LGR6: variants seen among roughly 807,000 people sequenced by gnomAD.
The protein encoded by LGR6 is leucine-rich repeat-containing G protein-coupled receptor 6.
Under a neutral mutation model 69.4 loss-of-function variants are expected in LGR6, and 45 were observed. The observed-to-expected ratio is 0.65, with a 90% CI of 0.51 to 0.83. LGR6 has a LOEUF of 0.83. LGR6 is among the 40% of genes least tolerant of loss of function. The pLI is 0.00. For missense variants in LGR6, 1,108 were observed against 1,246.7 expected, an observed-to-expected ratio of 0.89 and a Z score of 1.68; for synonymous variants, 538 against 555.0, an observed-to-expected ratio of 0.97 and a Z score of 0.43.
intron 16 of LGR6, 49 bp from the exon 17 acceptor site, chr1:202,314,753 G>A: frequency 7.3e-7 from 1 of 1,366,944 alleles, no homozygotes; most frequent in Non-Finnish European, 1.0e-6. Flanking sequence ...GGTAGGGCTT[G>A]ACTGACACCA....
Position 202,305,732 on chromosome 1 carries a change from T to A in LGR6, c.1119T>A (p.Cys373Ter), listed in dbSNP as rs779898898. 3 of 1,614,008 alleles carry A rather than the reference T, an allele frequency of 1.9e-6. No homozygotes were observed. In the South Asian group the frequency reaches 3.3e-5, roughly 18 times the overall value. ...AGGAGCTGCCCAGCCTGCACAGGTG[T>A]CAGAAATTGGAGGAAATGTGAGTCT... ...QIEELPSLHR[C>*]QKLEEIGLQH... The change falls in exon 12 of 18, where the codon TGT becomes TGA. Residue 373 changes from cysteine to a stop codon, truncating the protein, a stop_gained. Transcript: ENST00000367278. LOFTEE classifies it high-confidence loss of function.
chr1:202,299,447 G>A (rs1667415033), intron 7 of LGR6, among the ~76,000 whole-genome samples: 2 of 152,058 alleles, frequency 1.3e-5, no homozygotes, highest in Admixed American at 6.6e-5. Flanking sequence ...AAACATTAGG[G>A]AAGAGCGAGG....
chr1:202,221,718 A>C (rs2147941864), intron 1 of LGR6, among the ~76,000 whole-genome samples: 1 of 152,286 alleles, frequency 6.6e-6, no homozygotes, highest in Non-Finnish European at 1.5e-5. Flanking sequence ...AGTACATCCA[A>C]GAGCCCAGCT....
chr1:202,240,237 G>A (rs1213900329), intron 4 of LGR6, among the ~76,000 whole-genome samples: 1 of 152,110 alleles, frequency 6.6e-6, no homozygotes, highest in African/African-American at 2.4e-5. Flanking sequence ...AGCCAGGTGT[G>A]GTGGTGGGTG....
intron 16 of LGR6, among the ~76,000 whole-genome samples, chr1:202,313,024 C>G (rs765841253): frequency 6.6e-6 from 1 of 151,872 alleles, no homozygotes; most frequent in African/African-American, 2.4e-5. Context: ...GTCAGGAGAT[C>G]CAGACCATCC....
chr1:202,309,342 G>A (rs1653529272), intron 15 of LGR6, among the ~76,000 whole-genome samples, 166 bp downstream of exon 15: 1 of 152,212 alleles, frequency 6.6e-6, no homozygotes, highest in Admixed American at 6.5e-5. Flanking sequence ...GAGGGGCCTG[G>A]TTCATGCCTC....
In LGR6 at chr1:202,318,032, C is replaced by T. The variant is rs1353439527; in HGVS notation, c.1729C>T (p.Leu577Phe). ...GTGGGCCATCGTGTTGCTCTCCGTGCTCTGCAATGGACTGGTGCTGCTGAC... is the reference window on the plus strand; with the variant it reads ...GTGGGCCATCGTGTTGCTCTCCGTGTTCTGCAATGGACTGGTGCTGCTGAC... ...AVWAIVLLSV[L>F]CNGLVLLTVF... is the part of the protein sequence containing the mutation. Residue 577 changes from leucine to phenylalanine, a missense_variant, in exon 18 of 18, where the codon CTC becomes TTC. Coordinates refer to ENST00000367278, the MANE Select transcript of LGR6 (RefSeq NM_001017403.2). The T allele has an allele frequency of 1.2e-6, 2 of 1,614,076 alleles. No homozygotes were observed. The highest frequency in any genetic ancestry group is 1.1e-5 in the South Asian group (1 of 91,084).
chr1:202,206,304 G>T (rs894193682), intron 1 of LGR6, among the ~76,000 whole-genome samples: 7 of 152,198 alleles, frequency 4.6e-5, no homozygotes, highest in African/African-American at 1.7e-4. Context: ...CAGGACCTGG[G>T]CTCCCACCCT....
At chr1:202,295,277 G>A (rs981496221) in intron 6 of LGR6, among the ~76,000 whole-genome samples, 4 of 139,154 alleles carry the variant, frequency 2.9e-5, no homozygotes, top group East Asian at 2.2e-4. Context: ...GCAGTGAGCC[G>A]AGATCACGCC....
intron 4 of LGR6, among the ~76,000 whole-genome samples, chr1:202,261,220 C>T (rs1664206504): frequency 6.7e-6 from 1 of 150,178 alleles, no homozygotes; most frequent in Non-Finnish European, 1.5e-5. Context: ...TCTCCTAATG[C>T]TAACTCTCCC....
intron 5 of LGR6, 74 bp downstream of exon 5, chr1:202,276,595 G>T: frequency 7.9e-7 from 1 of 1,264,108 alleles, no homozygotes. Flanking sequence ...ACTTGAGTTG[G>T]ATTGGAGCCT....
At chr1:202,205,706 A>C (rs1659185778) in intron 1 of LGR6, among the ~76,000 whole-genome samples, 1 of 127,452 alleles carries the variant, frequency 7.8e-6, no homozygotes, top group Non-Finnish European at 1.7e-5. Flanking sequence ...ATACACACAC[A>C]CCCCTAACAC....
intron 4 of LGR6, among the ~76,000 whole-genome samples, chr1:202,274,343 C>G (rs1183147360): frequency 6.6e-6 from 1 of 152,172 alleles, no homozygotes; most frequent in South Asian, 2.1e-4. Context: ...GAATGTAGTG[C>G]CTGCTCTGGT....
chr1:202,234,630 G>A (rs11585579), intron 3 of LGR6, among the ~76,000 whole-genome samples: 84,809 of 152,042 alleles, frequency 0.56, 24,161 homozygotes, highest in East Asian at 0.81. Flanking sequence ...AGCTCTGTCA[G>A]TTAGCAGTTG....
intron 1 of LGR6, among the ~76,000 whole-genome samples, chr1:202,214,990 G>GT (rs1659666503): frequency 6.9e-6 from 1 of 145,524 alleles, no homozygotes; most frequent in African/African-American, 2.6e-5. Context: ...GGTGCACCTG[G>GT]GTGTGTGTGT....
In LGR6 at chr1:202,268,906, TTTTG is replaced by T. The variant is rs895670510; in HGVS notation, c.429-7388_429-7385del. Among the ~76,000 whole-genome samples the T allele has an allele frequency of 6.6e-6, 1 of 152,018 alleles. No homozygotes were observed. Among genetic ancestry groups the T allele is most frequent in the East Asian group, 1.9e-4 (1 of 5,174 alleles). On this transcript the variant is annotated intron_variant, in intron 4 of 17. Coordinates refer to ENST00000367278, the MANE Select transcript of LGR6 (RefSeq NM_001017403.2). This position sits in a 1 kb window ranked among gnomAD's most constrained non-coding sequence, Gnocchi z 4.4. ...AGTGTTCTATTGCCATCTTGAAGTT[TTTTG>T]TTTGTTTGTTTTGGAAATAGGGTCT...
At chr1:202,285,529 T>C (rs1666329382) in intron 6 of LGR6, among the ~76,000 whole-genome samples, 1 of 152,202 alleles carries the variant, frequency 6.6e-6, no homozygotes, top group Admixed American at 6.5e-5. Context: ...ATTGAGAAGA[T>C]TGTTGGCAAG....
At chr1:202,316,386 G>C (rs1376495734) in intron 17 of LGR6, among the ~76,000 whole-genome samples, 1 of 152,118 alleles carries the variant, frequency 6.6e-6, no homozygotes, top group East Asian at 1.9e-4. Flanking sequence ...CCATTCCCTG[G>C]ATTGATTGAG....
chr1:202,222,862 G>A (rs1660261449), intron 1 of LGR6, among the ~76,000 whole-genome samples: 3 of 152,180 alleles, frequency 2.0e-5, no homozygotes, highest in South Asian at 2.1e-4. Flanking sequence ...CAGCACTTTG[G>A]GAGGCCAAGG....
Sources: allele counts gnomAD v4.1 joint callset (sites outside exome capture counted in the v4.1 genomes callset), GRCh38; gene constraint gnomAD v4.1.1; non-coding constraint Gnocchi (gnomAD v3.1); transcripts MANE v1.5; gene names NCBI Gene and HGNC (gene_info 2026-07-23, HGNC 2026-07-21).